The following CTNNA2 variants were observed in gnomAD, a reference collection of about 807,000 sequenced individuals.
The protein encoded by CTNNA2 is catenin alpha-2.
In CTNNA2, 42 loss-of-function variants were observed where a neutral mutation model predicts 101.0. The observed-to-expected ratio is 0.42, with a 90% confidence interval of 0.32 to 0.54. The LOEUF (loss-of-function observed/expected upper bound fraction) is 0.54. Among genes scored for constraint, CTNNA2 ranks in the 20% least tolerant of loss-of-function variants. The probability of loss-of-function intolerance (pLI) is 0.14; values close to 1 mark genes in which losing one functional copy is unlikely to be tolerated. For missense variants in CTNNA2, 871 were observed against 1,223.1 expected, an observed-to-expected ratio of 0.71 and a Z score of 4.29; for synonymous variants, 450 against 456.4, an observed-to-expected ratio of 0.99 and a Z score of 0.18.
At chr2:80,505,457 G>A (rs1573065304) in intron 9 of CTNNA2, among the ~76,000 whole-genome samples, 1 of 152,104 alleles carries the variant, frequency 6.6e-6, no homozygotes, top group Non-Finnish European at 1.5e-5. Context: ...TCTGCCATTG[G>A]CCTCTTAACG....
chr2:80,091,789 C>CTA (rs1180031568), intron 7 of CTNNA2, among the ~76,000 whole-genome samples: 1 of 151,944 alleles, frequency 6.6e-6, no homozygotes, highest in Non-Finnish European at 1.5e-5. Flanking sequence ...AATATTGGAC[C>CTA]TATGAAGCCA....
intron 3 of CTNNA2, among the ~76,000 whole-genome samples, chr2:79,353,374 T>G (rs981643771): frequency 7.9e-5 from 12 of 152,184 alleles, no homozygotes; most frequent in African/African-American, 2.7e-4. Context: ...GATTTCAATT[T>G]TTTGAATTTA....
chr2:79,228,235 T>C (rs1180230799), intron 2 of CTNNA2, among the ~76,000 whole-genome samples: 1 of 152,238 alleles, frequency 6.6e-6, no homozygotes, highest in Non-Finnish European at 1.5e-5. Context: ...TGGGACTTTA[T>C]GACAGGATGA....
intron 4 of CTNNA2, among the ~76,000 whole-genome samples, chr2:79,382,195 T>C (rs1158240059): frequency 1.3e-5 from 2 of 151,896 alleles, no homozygotes; most frequent in African/African-American, 4.8e-5. Flanking sequence ...GTACTCCTAG[T>C]ACTCAGGCCT....
intron 2 of CTNNA2, among the ~76,000 whole-genome samples, chr2:79,297,082 T>C (rs1168731743): frequency 1.3e-5 from 2 of 152,144 alleles, no homozygotes; most frequent in African/African-American, 2.4e-5. Flanking sequence ...CCTCCACCCT[T>C]ACTGAGAATT....
At position 80,268,147 on chromosome 2, in the gene CTNNA2, G is replaced by A. The variant is rs192184845; in HGVS notation, c.1057-125064G>A. On this transcript the variant is annotated intron_variant, in intron 7 of 18. Transcript: ENST00000402739. The stretch of plus-strand genomic sequence containing the variant: ...AATGGCAGCTGCTGCCCTAAAGGTT[G>A]TGCTCATGCCAGACATGGCTGTGCT... Among the ~76,000 whole-genome samples, 18 of 152,328 alleles carry A rather than the reference G, an allele frequency of 1.2e-4. No individual in the cohort carries two copies. The East Asian group carries it at 3.3e-3, about 28-fold the overall frequency.
At chr2:80,215,106 A>T (rs1195475647) in intron 7 of CTNNA2, among the ~76,000 whole-genome samples, 1 of 152,092 alleles carries the variant, frequency 6.6e-6, no homozygotes, top group African/African-American at 2.4e-5. Context: ...TTTCAGCTCC[A>T]TCAGGTCATT....
At chr2:80,312,893 G>A (rs1006379588) in intron 7 of CTNNA2, among the ~76,000 whole-genome samples, 20 of 152,186 alleles carry the variant, frequency 1.3e-4, no homozygotes, top group Admixed American at 2.6e-4. Context: ...AGAGACATGA[G>A]AATTGCCACA....
intron 7 of CTNNA2, among the ~76,000 whole-genome samples, chr2:80,055,626 C>T (rs1341372136): frequency 6.6e-6 from 1 of 152,118 alleles, no homozygotes; most frequent in Non-Finnish European, 1.5e-5. Flanking sequence ...GCCTGCCTTG[C>T]TGTGTAGCTG....
chr2:80,356,227 C>A (rs1471666011), intron 7 of CTNNA2, among the ~76,000 whole-genome samples: 1 of 152,112 alleles, frequency 6.6e-6, no homozygotes, highest in Non-Finnish European at 1.5e-5. Context: ...AGCCAAAAAC[C>A]AGGTAAGTGG....
At chr2:79,831,304 G>A (rs1017100946) in intron 3 of CTNNA2, among the ~76,000 whole-genome samples, 4 of 151,962 alleles carry the variant, frequency 2.6e-5, no homozygotes, top group South Asian at 2.1e-4. Flanking sequence ...TTTTCTCCTC[G>A]AGGTTTGTAT....
intron 7 of CTNNA2, among the ~76,000 whole-genome samples, chr2:80,106,352 A>G (rs1700889784): frequency 6.6e-6 from 1 of 152,178 alleles, no homozygotes; most frequent in African/African-American, 2.4e-5. Context: ...TTTTGAAACA[A>G]GAACTCAAGG....
chr2:80,006,164 G>C (rs1366024187), intron 7 of CTNNA2, among the ~76,000 whole-genome samples: 4 of 151,984 alleles, frequency 2.6e-5, no homozygotes, highest in Admixed American at 2.0e-4. Context: ...GTATTTAATT[G>C]TTTGATTTTG....
intron 7 of CTNNA2, among the ~76,000 whole-genome samples, chr2:80,079,125 T>C (rs1205877844): frequency 2.0e-5 from 3 of 152,188 alleles, no homozygotes. Flanking sequence ...GCTGGCGTGA[T>C]GGATTGTCCC....
At chr2:80,584,438 G>C (rs1273201034) in intron 14 of CTNNA2, among the ~76,000 whole-genome samples, 1 of 148,682 alleles carries the variant, frequency 6.7e-6, no homozygotes, top group Non-Finnish European at 1.5e-5. Flanking sequence ...AGGGGGCGGG[G>C]GGCGGTTTAG....
intron 7 of CTNNA2, among the ~76,000 whole-genome samples, chr2:80,094,741 C>T (rs1282032053): frequency 2.0e-5 from 3 of 152,138 alleles, no homozygotes; most frequent in Middle Eastern, 3.4e-3. Flanking sequence ...AAGTTGGATT[C>T]CTAGGTATTT....
At chr2:79,855,977 A>T (rs1393760937) in intron 3 of CTNNA2, among the ~76,000 whole-genome samples, 1 of 152,084 alleles carries the variant, frequency 6.6e-6, no homozygotes, top group Non-Finnish European at 1.5e-5. Context: ...TTTATTTGTG[A>T]GGAGGAGAGG....
chr2:80,201,917 G>T (rs1707236705), intron 7 of CTNNA2, among the ~76,000 whole-genome samples: 2 of 152,106 alleles, frequency 1.3e-5, no homozygotes, highest in Admixed American at 1.3e-4. Flanking sequence ...ACATTAATCT[G>T]CTGCCCTCGC....
At chr2:80,628,200 G>T (rs1025345191) in intron 18 of CTNNA2, among the ~76,000 whole-genome samples, 4 of 151,900 alleles carry the variant, frequency 2.6e-5, no homozygotes, top group African/African-American at 9.7e-5. Flanking sequence ...AAGGTAGTTT[G>T]TAGATTCAAT....
Sources: allele counts gnomAD v4.1 joint callset (sites outside exome capture counted in the v4.1 genomes callset), GRCh38; gene constraint gnomAD v4.1.1; transcripts MANE v1.5; gene names NCBI Gene and HGNC (gene_info 2026-07-23, HGNC 2026-07-21).